The following IL17D variants were observed in gnomAD, a reference collection of about 807,000 sequenced individuals.
The protein encoded by IL17D is interleukin-17D.
Under a neutral mutation model 5.7 loss-of-function variants are expected in IL17D, and 10 were observed. The ratio of observed to expected loss-of-function variants is 1.75; its 90% CI spans 1.08 to 2.97. The LOEUF is 2.97. IL17D is among the 30% of genes most tolerant of loss of function. IL17D has a pLI of 0.00. For synonymous variants in IL17D, 172 were observed against 141.7 expected, an observed-to-expected ratio of 1.21 and a Z score of -1.52; for missense variants, 354 against 292.7, an observed-to-expected ratio of 1.21 and a Z score of -1.53.
At chr13:20,709,623 C>T (rs886630562) in intron 1 of IL17D, among the ~76,000 whole-genome samples, 1 of 152,158 alleles carries the variant, frequency 6.6e-6, no homozygotes, top group Non-Finnish European at 1.5e-5. Flanking sequence ...ATCCTTAGAA[C>T]GTGGGTTCTG....
At chr13:20,714,921 T>G (rs1399726367) in intron 1 of IL17D, among the ~76,000 whole-genome samples, 2 of 152,172 alleles carry the variant, frequency 1.3e-5, no homozygotes, top group Non-Finnish European at 2.9e-5. Flanking sequence ...GGAAGCTGTT[T>G]GTGGTCTCCA....
chr13:20,703,178 C>A, upstream of IL17D: 1 of 631,082 alleles, frequency 1.6e-6, no homozygotes, highest in Non-Finnish European at 2.0e-6. Flanking sequence ...CGACCCCAGG[C>A]CCTGGGCGCC....
chr13:20,707,931 G>C lies in IL17D; in HGVS notation c.290+3640G>C, dbSNP rs529923713. Among the ~76,000 whole-genome samples the C allele has an allele frequency of 4.6e-4, 70 of 152,200 alleles. 1 individual carries two copies. The highest frequency in any genetic ancestry group is 1.5e-3 in the African/African-American group (64 of 41,522). On this transcript the variant is annotated intron_variant, in intron 1 of 1. Transcript: ENST00000682841. ...TGGTATTTCTTTCTTTCTTTCTTTT[G>C]AGACAGGGTTTTGCTCTGTCACCCA...
chr13:20,721,192 G>C (rs530766456), intron 1 of IL17D, among the ~76,000 whole-genome samples: 1 of 152,156 alleles, frequency 6.6e-6, no homozygotes, highest in Non-Finnish European at 1.5e-5. Flanking sequence ...TCTTTCTCTA[G>C]ACCTGCCCCA....
rs148986020 is a variant in IL17D, at chr13:20,719,422, C to T, written c.291-2214C>T. On this transcript the variant is annotated intron_variant, in intron 1 of 1. Coordinates refer to ENST00000682841, the MANE Select transcript of IL17D (RefSeq NM_001385224.1). Reference sequence around the variant, plus strand: ...CTGCCCATGCTCACAGCTTCCCACACTCACACCTGACCACACCCACTTGCC... The same window carrying T: ...CTGCCCATGCTCACAGCTTCCCACATTCACACCTGACCACACCCACTTGCC... 3.3e-3 allele frequency among the ~76,000 whole-genome samples: 496 copies of T among 149,678 alleles called. 4 individuals are homozygous for T. Among genetic ancestry groups the T allele is most frequent in the African/African-American group, 0.012 (483 of 40,722 alleles).
chr13:20,705,243 G>A (rs530203771), intron 1 of IL17D, among the ~76,000 whole-genome samples: 1 of 152,024 alleles, frequency 6.6e-6, no homozygotes, highest in East Asian at 1.9e-4. Flanking sequence ...GCAGTGCTGA[G>A]GGAAGGGACA....
In IL17D at chr13:20,716,085, T is replaced by C; in HGVS notation, c.291-5551T>C. 11 of 985,340 alleles carry C rather than the reference T, an allele frequency of 1.1e-5. No individual in the cohort carries two copies. The highest frequency in any genetic ancestry group is 1.3e-5 in the Non-Finnish European group (11 of 829,860). The allele number at this position is 985,340 out of a possible 1,614,324, so 61.0% of individuals were successfully genotyped here. A position where few individuals can be genotyped will look rare whatever the true frequency, so the allele number is the denominator to read the frequency against. ...CCATATAGGCCTCATGCCGGTGGTC[T>C]GAAAACCACATTTTGGAAATCTTGT... On this transcript the variant is annotated intron_variant, in intron 1 of 1. Transcript: ENST00000682841. This position sits in a 1 kb window ranked among gnomAD's most constrained non-coding sequence, Gnocchi z 4.2.
chr13:20,704,193 GC>G lies in IL17D; in HGVS notation c.193del (p.Gln65ArgfsTer56). 2 of 1,373,078 alleles carry G rather than the reference GC, an allele frequency of 1.5e-6. No homozygotes were observed. The highest frequency in any genetic ancestry group is 2.7e-4 in the Middle Eastern group (1 of 3,674). The allele number at this position is 1,373,078 out of a possible 1,614,324, so 85.1% of individuals were successfully genotyped here. On this transcript the variant is annotated frameshift_variant, in exon 1 of 2. Coordinates refer to ENST00000682841, the MANE Select transcript of IL17D (RefSeq NM_001385224.1). LOFTEE classifies it high-confidence loss of function. ...HHTLQLGPRE[Q>X]ARNASCPAGG... is the part of the protein sequence containing the mutation. ...ACACGCTGCAGCTGGGGCCGCGTGA[GC>G]AGGCGCGCAACGCGAGCTGCCCGGC...
At position 20,721,643 on chromosome 13, in the gene IL17D, T is replaced by C. The variant is rs184222353; in HGVS notation, c.298T>C (p.Tyr100His). Reference protein sequence around the residue: ...SVSPWAYRISYDPARYPRYLP... With the variant: ...SVSPWAYRISHDPARYPRYLP... ...CGTGCTCTCTCCCTGCAGAATCTCC[T>C]ACGACCCGGCGAGGTACCCCAGGTA... The change falls in exon 2 of 2, where the codon TAC becomes CAC. Residue 100 changes from tyrosine (Y) to histidine (H), a missense_variant. Physicochemically the swap from Tyr to His is moderately conservative, Grantham distance 83. Coordinates refer to ENST00000682841, the MANE Select transcript of IL17D (RefSeq NM_001385224.1). 1.3e-6 allele frequency: 2 copies of C among 1,596,704 alleles called. No individual in the cohort carries two copies. Among genetic ancestry groups the C allele is most frequent in the Admixed American group, 3.4e-5 (2 of 59,282 alleles).
At chr13:20,709,691 T>C (rs950094958) in intron 1 of IL17D, among the ~76,000 whole-genome samples, 1 of 85,336 alleles carries the variant, frequency 1.2e-5, no homozygotes, top group African/African-American at 3.6e-5. Context: ...TACTTTTTAC[T>C]CTTGTATCTG....
chr13:20,706,220 T>C (rs1456713511), intron 1 of IL17D, among the ~76,000 whole-genome samples: 1 of 152,242 alleles, frequency 6.6e-6, no homozygotes. Context: ...CCATTCATTC[T>C]GGTATCTTGG....
chr13:20,710,797 C>T (rs2058630519), intron 1 of IL17D, among the ~76,000 whole-genome samples: 1 of 152,142 alleles, frequency 6.6e-6, no homozygotes, highest in Admixed American at 6.6e-5. Flanking sequence ...GGCCTTGTTA[C>T]TTTCTTCTTT....
rs182488063 is a variant in IL17D, at chr13:20,717,879, A to G, written c.291-3757A>G. 2.0e-5 allele frequency among the ~76,000 whole-genome samples: 3 copies of G among 152,228 alleles called. 1 individual carries two copies. The highest frequency in any genetic ancestry group is 2.0e-4 in the Admixed American group (3 of 15,296). ...TTAGGCGGATGAAACTCTGACCCTC[A>G]CCGCATCCAAGTGACTGTCAGTTAT... On this transcript the variant is annotated intron_variant, in intron 1 of 1. Coordinates refer to ENST00000682841, the MANE Select transcript of IL17D (RefSeq NM_001385224.1).
intron 1 of IL17D, among the ~76,000 whole-genome samples, chr13:20,719,981 C>T (rs2058718302): frequency 6.6e-6 from 1 of 152,044 alleles, no homozygotes; most frequent in Non-Finnish European, 1.5e-5. Context: ...TTGTTTTTCT[C>T]CTGGAACAAC....
chr13:20,721,781 AC>A lies in IL17D; in HGVS notation c.441del (p.Ala148ProfsTer120). 1 of 1,605,010 alleles carries A rather than the reference AC, an allele frequency of 6.2e-7. No homozygotes were observed. On this transcript the variant is annotated frameshift_variant, in exon 2 of 2. Transcript: ENST00000682841. LOFTEE classifies it low-confidence loss of function (END_TRUNC). ...VYMPTVVLRR[T>X]PACAGGRSVY... The stretch of plus-strand genomic sequence containing the variant: ...CATGCCCACCGTCGTCCTGCGCCGC[AC>A]CCCCGCCTGCGCCGGCGGCCGTTCC...
intron 1 of IL17D, among the ~76,000 whole-genome samples, chr13:20,718,106 C>G (rs906201765): frequency 2.0e-5 from 3 of 152,108 alleles, no homozygotes; most frequent in Non-Finnish European, 2.9e-5. Flanking sequence ...GAATGCCTGA[C>G]CCGCCCGCCC....
rs747735973 is a variant in IL17D at position 20,721,987 on chromosome 13, C to T, written c.*33C>T. Reference sequence around the variant, plus strand: ...CCTGCCCCGGGAGGTCTCCCCGGCCCGCATCCCGAGGCGCCCAAGCTGGAG... The same window carrying T: ...CCTGCCCCGGGAGGTCTCCCCGGCCTGCATCCCGAGGCGCCCAAGCTGGAG... On this transcript the variant is annotated 3_prime_UTR_variant, in exon 2 of 2. Coordinates refer to ENST00000682841, the MANE Select transcript of IL17D (RefSeq NM_001385224.1). 4.0e-6 allele frequency: 6 copies of T among 1,518,172 alleles called. No individual in the cohort carries two copies. The Admixed American group carries it at 8.1e-5, about 20-fold the overall frequency. 94.0% of individuals were successfully genotyped at this position (1,518,172 alleles called of 1,614,324 possible). A position where few individuals can be genotyped will look rare whatever the true frequency, so the allele number is the denominator to read the frequency against.
chr13:20,716,464 A>G lies in IL17D; in HGVS notation c.291-5172A>G, dbSNP rs2058680033. 6.6e-6 allele frequency among the ~76,000 whole-genome samples: 1 copy of G among 152,218 alleles called. No individual in the cohort carries two copies. The highest frequency in any genetic ancestry group is 2.4e-5 in the African/African-American group (1 of 41,464). ...CAATGTATTGCCAGTGTCTTTTCTA[A>G]GCATAAAACATTGGTGAAAATGTCA... On this transcript the variant is annotated intron_variant, in intron 1 of 1. Transcript: ENST00000682841. The surrounding 1 kb of genome is among the most constrained non-coding windows in gnomAD (Gnocchi z 4.2).
At position 20,703,938 on chromosome 13, in the gene IL17D, C is replaced by T. The variant is rs1433683485; in HGVS notation, c.-64C>T. On this transcript the variant is annotated 5_prime_UTR_variant, in exon 1 of 2. Coordinates refer to ENST00000682841, the MANE Select transcript of IL17D (RefSeq NM_001385224.1). ...GGGCGCCGCGGGCGGGACACGGGCG[C>T]GGGGCGCAGGCGGGCTCCTCCGGCG... The T allele has an allele frequency of 1.1e-6, 1 of 914,286 alleles. No homozygotes were observed. Among genetic ancestry groups the T allele is most frequent in the South Asian group, 5.0e-5 (1 of 20,026 alleles). The allele number at this position is 914,286 out of a possible 1,614,324, so 56.6% of individuals were successfully genotyped here. A position where few individuals can be genotyped will look rare whatever the true frequency, so the allele number is the denominator to read the frequency against.
Sources: allele counts gnomAD v4.1 joint callset (sites outside exome capture counted in the v4.1 genomes callset), GRCh38; gene constraint gnomAD v4.1.1; non-coding constraint Gnocchi (gnomAD v3.1); transcripts MANE v1.5; gene names NCBI Gene and HGNC (gene_info 2026-07-23, HGNC 2026-07-21).